Variants in MACO1 observed in about 807,000 individuals in gnomAD.
The protein encoded by MACO1 is macoilin.
MACO1 carries 14 observed loss-of-function variants against 78.7 expected under a neutral mutation model. The observed-to-expected ratio is 0.18, with a 90% confidence interval of 0.12 to 0.28. The LOEUF (loss-of-function observed/expected upper bound fraction) is 0.28, where lower values mean the gene tolerates loss of function less well. Among genes scored for constraint, MACO1 ranks in the 10% least tolerant of loss-of-function variants. The probability of loss-of-function intolerance (pLI) is 1.00; values close to 1 mark genes in which losing one functional copy is unlikely to be tolerated. For synonymous variants in MACO1, 288 were observed against 291.6 expected, an observed-to-expected ratio of 0.99 and a Z score of 0.12; for missense variants, 501 against 799.0, an observed-to-expected ratio of 0.63 and a Z score of 4.50.
chr1:25,484,702 G>C (rs1013999442), intron 7 of MACO1, among the ~76,000 whole-genome samples: 21 of 152,330 alleles, frequency 1.4e-4, no homozygotes, highest in Non-Finnish European at 2.9e-4. Context: ...CAGGCAGAAA[G>C]CCAGGTCTTC....
chr1:25,435,574 A>C (rs2124566528), intron 1 of MACO1, among the ~76,000 whole-genome samples: 2 of 152,210 alleles, frequency 1.3e-5, no homozygotes, highest in Middle Eastern at 6.8e-3. Context: ...CCTTTGGGCT[A>C]TGCTTATTAA....
intron 1 of MACO1, among the ~76,000 whole-genome samples, chr1:25,432,147 C>G (rs2042880458): frequency 6.6e-6 from 1 of 152,210 alleles, no homozygotes; most frequent in Non-Finnish European, 1.5e-5. Flanking sequence ...AAGAAGAATT[C>G]TCAGCATGTG....
rs781200520 is a variant in MACO1, at chr1:25,484,200, C to A, written c.1239C>A (p.Ser413=). ...VEQELRSQIS[S]LSSTERGIRS... ...AAGAGCTCCGCAGTCAGATCAGCTC[C>A]CTTTCGAGCACCGAGCGAGGGATCC... The change falls in exon 7 of 11, where the codon TCC becomes TCA. Residue 413 remains serine, a synonymous_variant. Coordinates refer to ENST00000374343, the MANE Select transcript of MACO1 (RefSeq NM_018202.6). 2 of 1,613,880 alleles carry A rather than the reference C, an allele frequency of 1.2e-6. No homozygotes were observed. Among genetic ancestry groups the A allele is most frequent in the African/African-American group, 2.7e-5 (2 of 74,916 alleles).
intron 6 of MACO1, among the ~76,000 whole-genome samples, chr1:25,463,874 A>G (rs2043192465): frequency 6.6e-6 from 1 of 152,206 alleles, no homozygotes; most frequent in South Asian, 2.1e-4. Context: ...TTTTAGGTTC[A>G]CAGAAAAATT....
rs1371178268 is a variant in MACO1, at chr1:25,458,739, G to A, written c.1001G>A (p.Arg334Gln). The A allele has an allele frequency of 8.1e-6, 13 of 1,613,948 alleles. No homozygotes were observed. The highest frequency in any genetic ancestry group is 2.2e-5 in the South Asian group (2 of 91,086). Residue 334 changes from arginine to glutamine, a missense_variant, in exon 6 of 11, where the codon CGA becomes CAA. Coordinates refer to ENST00000374343, the MANE Select transcript of MACO1 (RefSeq NM_018202.6). ...AGTGGAGTTGTGAACTCTTCACCTC[G>A]AAGTCATAGCGCCACAAATGGGAGC... The part of the protein sequence containing the change: ...NASGVVNSSP[R>Q]SHSATNGSIP...
rs1313724129 is a variant in MACO1, at chr1:25,498,328, C to T, written c.1857C>T (p.Ala619=). The T allele has an allele frequency of 1.7e-5, 27 of 1,614,008 alleles. No individual in the cohort carries two copies. Among genetic ancestry groups the T allele is most frequent in the East Asian group, 2.2e-5 (1 of 44,898 alleles). Residue 619 remains alanine, a synonymous_variant, in exon 11 of 11, where the codon GCC becomes GCT. Transcript: ENST00000374343. The part of the protein sequence containing the change: ...DLKQKIAEVM[A]VMPSITYSAA... The stretch of plus-strand genomic sequence containing the variant: ...AACAGAAGATAGCCGAAGTCATGGC[C>T]GTCATGCCCAGCATAACATACAGTG...
intron 1 of MACO1, among the ~76,000 whole-genome samples, chr1:25,434,596 T>C (rs906384591): frequency 1.3e-5 from 2 of 152,254 alleles, no homozygotes; most frequent in Non-Finnish European, 2.9e-5. Context: ...CTTACTGTTT[T>C]AGTGGTTCAT....
chr1:25,440,405 G>GAAA lies in MACO1; in HGVS notation c.81-6343_81-6341dup, dbSNP rs35855810. Among the ~76,000 whole-genome samples, 227 of 124,598 alleles carry GAAA rather than the reference G, an allele frequency of 1.8e-3. 1 individual carries two copies. Among genetic ancestry groups the GAAA allele is most frequent in the African/African-American group, 6.1e-3 (213 of 34,738 alleles). 81.7% of individuals were successfully genotyped at this position (124,598 alleles called of 152,430 possible). A position where few individuals can be genotyped will look rare whatever the true frequency, so the allele number is the denominator to read the frequency against. On this transcript the variant is annotated intron_variant, in intron 1 of 10. Coordinates refer to ENST00000374343, the MANE Select transcript of MACO1 (RefSeq NM_018202.6). ...CAACAAAGGAAGACCCCAGTTCTGGGAAAAAAAAAAAAAAAAGAAGAAAGA... is the reference window on the plus strand; with the variant it reads ...CAACAAAGGAAGACCCCAGTTCTGGGAAAAAAAAAAAAAAAAAAAGAAGAAAGA...
intron 6 of MACO1, among the ~76,000 whole-genome samples, chr1:25,471,288 G>A (rs1162176687): frequency 1.3e-5 from 2 of 149,262 alleles, no homozygotes; most frequent in Non-Finnish European, 3.0e-5. Flanking sequence ...GCAGTGAGCA[G>A]AGATCGTGCC....
intron 6 of MACO1, among the ~76,000 whole-genome samples, chr1:25,464,668 C>A (rs74389087): frequency 5.2e-4 from 72 of 139,250 alleles, no homozygotes; most frequent in African/African-American, 1.1e-3. Context: ...CCACCCCCCC[C>A]CTCCGCGAAA....
At chr1:25,451,903 G>A in intron 3 of MACO1, among the ~76,000 whole-genome samples, 1 of 150,020 alleles carries the variant, frequency 6.7e-6, no homozygotes, top group Non-Finnish European at 1.5e-5. Flanking sequence ...CTGCACTCCA[G>A]CCTGGGCGAC....
At chr1:25,482,613 C>T (rs956724657) in intron 6 of MACO1, among the ~76,000 whole-genome samples, 1 of 152,216 alleles carries the variant, frequency 6.6e-6, no homozygotes, top group South Asian at 2.1e-4. Flanking sequence ...CAATCTCTAC[C>T]TGCTCTGCAA....
intron 6 of MACO1, among the ~76,000 whole-genome samples, chr1:25,479,179 G>T (rs1354243374): frequency 6.6e-6 from 1 of 152,154 alleles, no homozygotes; most frequent in East Asian, 1.9e-4. Flanking sequence ...TTCAGCTAAT[G>T]ACATTTTAAT....
rs1363009751 is a variant in MACO1, at chr1:25,456,715, G to A, written c.536G>A (p.Arg179Gln). The A allele has an allele frequency of 2.5e-6, 4 of 1,613,892 alleles. No individual in the cohort carries two copies. Among genetic ancestry groups the A allele is most frequent in the East Asian group, 2.2e-5 (1 of 44,860 alleles). ...AAAAGTTACGTAAGCTACAAAATGC[G>A]GTTAAGGAAGCAAAAAGAAGTACAA... is the stretch of plus-strand genomic sequence containing the variant. ...GFKSYVSYKM[R>Q]LRKQKEVQKE... The change falls in exon 5 of 11, where the codon CGG becomes CAG. Residue 179 changes from arginine to glutamine, a missense_variant. Coordinates refer to ENST00000374343, the MANE Select transcript of MACO1 (RefSeq NM_018202.6).
At chr1:25,491,609 A>G (rs1229136407) in intron 10 of MACO1, 25 bp downstream of exon 10, 1 of 1,607,658 alleles carries the variant, frequency 6.2e-7, no homozygotes, top group Non-Finnish European at 8.5e-7. Context: ...GCCCCTGGTG[A>G]GGTGGTGTGA....
At position 25,498,569 on chromosome 1, in the gene MACO1, G is replaced by A; in HGVS notation, c.*103G>A. ...AAAAACAGTTTCTATTGTATTTTGT[G>A]GAACTGTATCTGTTGTCATTTTTAA... is the stretch of plus-strand genomic sequence containing the variant. On this transcript the variant is annotated 3_prime_UTR_variant, in exon 11 of 11. Transcript: ENST00000374343. 4 of 1,111,280 alleles carry A rather than the reference G, an allele frequency of 3.6e-6. No individual in the cohort carries two copies. Among genetic ancestry groups the A allele is most frequent in the Non-Finnish European group, 3.9e-6 (3 of 772,456 alleles). The allele number at this position is 1,111,280 out of a possible 1,614,324, so 68.8% of individuals were successfully genotyped here.
At chr1:25,491,247 C>A (rs963732368) in intron 9 of MACO1, 163 bp from the exon 10 acceptor site, 6 of 317,456 alleles carry the variant, frequency 1.9e-5, no homozygotes, top group Non-Finnish European at 2.7e-5. Flanking sequence ...TGCTTATTGC[C>A]ATATAAACAC....
At chr1:25,442,408 A>G (rs1298944616) in intron 1 of MACO1, among the ~76,000 whole-genome samples, 1 of 152,240 alleles carries the variant, frequency 6.6e-6, no homozygotes, top group Non-Finnish European at 1.5e-5. Flanking sequence ...CAGAGCCAGT[A>G]AAATATTCCA....
chr1:25,452,314 A>G (rs2043073905), intron 3 of MACO1, among the ~76,000 whole-genome samples: 1 of 152,192 alleles, frequency 6.6e-6, no homozygotes, highest in Admixed American at 6.5e-5. Flanking sequence ...TCCCGTTATT[A>G]GTCATGTCCT....
Sources: allele counts gnomAD v4.1 joint callset (sites outside exome capture counted in the v4.1 genomes callset), GRCh38; gene constraint gnomAD v4.1.1; transcripts MANE v1.5; gene names NCBI Gene and HGNC (gene_info 2026-07-23, HGNC 2026-07-21).